MYO5A: variants seen among roughly 807,000 people sequenced by gnomAD.
MYO5A encodes myosin VA.
Under a neutral mutation model 249.7 loss-of-function variants are expected in MYO5A, and 98 were observed. The ratio of observed to expected loss-of-function variants is 0.39; its 90% CI spans 0.33 to 0.46. The LOEUF (loss-of-function observed/expected upper bound fraction) is 0.46. MYO5A is among the 20% of genes least tolerant of loss of function. The probability of loss-of-function intolerance (pLI) is 0.98; values close to 1 mark genes in which losing one functional copy is unlikely to be tolerated. For synonymous variants in MYO5A, 778 were observed against 810.6 expected (o/e 0.96, Z 0.68); for missense variants, 1,696 against 2,308.8 (o/e 0.73, Z 5.44).
chr15:52,460,600 A>G (rs2076228081), intron 1 of MYO5A, among the ~76,000 whole-genome samples: 1 of 152,228 alleles, frequency 6.6e-6, no homozygotes, highest in Non-Finnish European at 1.5e-5. Flanking sequence ...GCGGCAGTAC[A>G]GTCCAGCCTC....
rs183885999 is a variant in MYO5A, at chr15:52,421,293, A to G, written c.455+4537T>C. Among the ~76,000 whole-genome samples the G allele has an allele frequency of 4.4e-3, 664 of 152,248 alleles. 2 individuals are homozygous for G. The highest frequency in any genetic ancestry group is 0.014 in the Middle Eastern group (4 of 294). On this transcript the variant is annotated intron_variant, in intron 4 of 41. Transcript: ENST00000399233. ...ACCAAATGACGGAAGGGGCCACCCTAAGGAAGGGCCTGGTAATAAATTAAT... is the reference window on the plus strand; with the variant it reads ...ACCAAATGACGGAAGGGGCCACCCTGAGGAAGGGCCTGGTAATAAATTAAT...
intron 38 of MYO5A, 70 bp from the exon 39 acceptor site, chr15:52,319,412 G>A: frequency 6.7e-7 from 1 of 1,502,582 alleles, no homozygotes. Flanking sequence ...ATATCCATGT[G>A]CACAAACACA....
At chr15:52,345,866 G>A (rs1316156617) in intron 30 of MYO5A, among the ~76,000 whole-genome samples, 1 of 152,172 alleles carries the variant, frequency 6.6e-6, no homozygotes, top group East Asian at 1.9e-4. Context: ...GGGAATTCCA[G>A]ATATGAGCCT....
chr15:52,516,947 G>C (rs1451713859), intron 1 of MYO5A, among the ~76,000 whole-genome samples: 1 of 152,100 alleles, frequency 6.6e-6, no homozygotes, highest in African/African-American at 2.4e-5. Flanking sequence ...GGCACAGATT[G>C]ATCCAAGATC....
chr15:52,329,065 C>A (rs1233710573), intron 35 of MYO5A: 1 of 152,094 alleles, frequency 6.6e-6, no homozygotes, highest in African/African-American at 2.4e-5. Context: ...TTATTTCTCC[C>A]CTGGAATGTA....
At chr15:52,383,313 C>A in intron 15 of MYO5A, 125 bp from the exon 16 acceptor site, 1 of 793,216 alleles carries the variant, frequency 1.3e-6, no homozygotes. Flanking sequence ...AAACTTGACC[C>A]ATCTTCAGAA....
At chr15:52,412,760 A>G (rs1314984254) in intron 5 of MYO5A, among the ~76,000 whole-genome samples, 1 of 152,210 alleles carries the variant, frequency 6.6e-6, no homozygotes, top group Non-Finnish European at 1.5e-5. Context: ...TGATCTTGGT[A>G]ATCTTGGTTT....
At chr15:52,434,201 T>C (rs2075609870) in intron 1 of MYO5A, among the ~76,000 whole-genome samples, 1 of 151,988 alleles carries the variant, frequency 6.6e-6, no homozygotes, top group Non-Finnish European at 1.5e-5. Flanking sequence ...GGTTTCACCA[T>C]GTTGGCCAGG....
At chr15:52,479,741 T>C (rs1183746076) in intron 1 of MYO5A, among the ~76,000 whole-genome samples, 1 of 152,162 alleles carries the variant, frequency 6.6e-6, no homozygotes, top group Non-Finnish European at 1.5e-5. Flanking sequence ...TCACAGATTA[T>C]CATTTGTGGT....
chr15:52,392,216 G>C (rs2042271098), intron 11 of MYO5A, 146 bp from the exon 12 acceptor site: 3 of 778,768 alleles, frequency 3.9e-6, no homozygotes, highest in South Asian at 3.4e-5. Flanking sequence ...CACAGAGAAA[G>C]CAAATAAAAC....
intron 1 of MYO5A, among the ~76,000 whole-genome samples, chr15:52,509,918 G>A (rs1333341611): frequency 2.0e-5 from 3 of 151,878 alleles, no homozygotes; most frequent in African/African-American, 7.3e-5. Context: ...GCACAAAAAA[G>A]CTCTAAGGTC....
At chr15:52,345,846 T>A (rs2039595850) in intron 30 of MYO5A, among the ~76,000 whole-genome samples, 1 of 152,198 alleles carries the variant, frequency 6.6e-6, no homozygotes, top group African/African-American at 2.4e-5. Flanking sequence ...AGGGTGGTAG[T>A]AAGGCCAAGG....
chr15:52,350,347 C>T (rs994219479), intron 28 of MYO5A, among the ~76,000 whole-genome samples: 1 of 152,154 alleles, frequency 6.6e-6, no homozygotes, highest in Non-Finnish European at 1.5e-5. Context: ...ATTTTTTGGA[C>T]CAGTGTTGAT....
At chr15:52,396,219 T>C in intron 11 of MYO5A, 97 bp downstream of exon 11, 1 of 788,968 alleles carries the variant, frequency 1.3e-6, no homozygotes, top group South Asian at 1.6e-5. Flanking sequence ...ATAATTTTAA[T>C]TCACAACTTC....
intron 1 of MYO5A, among the ~76,000 whole-genome samples, chr15:52,438,676 G>A (rs753584875): frequency 1.3e-5 from 2 of 152,302 alleles, no homozygotes; most frequent in African/African-American, 2.4e-5. Context: ...ATCATCTATC[G>A]CCTAAGAGCA....
rs575362250 is a variant in MYO5A at position 52,390,509 on chromosome 15, C to T, written c.1543-1146G>A. Among the ~76,000 whole-genome samples, 21 of 151,266 alleles carry T rather than the reference C, an allele frequency of 1.4e-4. No homozygotes were observed. The South Asian group carries it at 4.4e-3, about 32-fold the overall frequency. ...AAAGATATAAAATGGAGAGTAGTCTCCTCTTGCCATTTCCTCCAACTTAAT... is the reference window on the plus strand; with the variant it reads ...AAAGATATAAAATGGAGAGTAGTCTTCTCTTGCCATTTCCTCCAACTTAAT... On this transcript the variant is annotated intron_variant, in intron 12 of 41. Coordinates refer to ENST00000399233, the MANE Select transcript of MYO5A (RefSeq NM_001382347.1).
chr15:52,458,038 T>C (rs900212231), intron 1 of MYO5A, among the ~76,000 whole-genome samples: 3 of 152,204 alleles, frequency 2.0e-5, no homozygotes, highest in Non-Finnish European at 4.4e-5. Context: ...CATTCATATG[T>C]AAGCTACAAA....
intron 1 of MYO5A, among the ~76,000 whole-genome samples, chr15:52,497,444 A>AATAG (rs1378712727): frequency 6.6e-6 from 1 of 150,690 alleles, no homozygotes; most frequent in Non-Finnish European, 1.5e-5. Flanking sequence ...TAAATAAATA[A>AATAG]ATAAAATTTA....
intron 9 of MYO5A, among the ~76,000 whole-genome samples, chr15:52,399,213 G>T (rs1250463396): frequency 6.6e-6 from 1 of 152,028 alleles, no homozygotes; most frequent in South Asian, 2.1e-4. Flanking sequence ...TCTTCTTGAG[G>T]TTTCTGTTGA....
Sources: gnomAD v4.1 joint callset for allele counts (sites outside exome capture counted in the v4.1 genomes callset) on GRCh38, gnomAD v4.1.1 for gene constraint, MANE v1.5 for transcripts, NCBI Gene and HGNC (gene_info 2026-07-23, HGNC 2026-07-21) for gene names.